PAPOLA: variants seen among roughly 807,000 people sequenced by gnomAD.
PAPOLA encodes the protein polynucleotide adenylyltransferase alpha.
Under a neutral mutation model 100.6 loss-of-function variants are expected in PAPOLA, and 15 were observed. The ratio of observed to expected loss-of-function variants is 0.15; its 90% CI spans 0.10 to 0.23. PAPOLA has a LOEUF of 0.23. Among genes scored for constraint, PAPOLA ranks in the 10% least tolerant of loss-of-function variants. The pLI is 1.00. For missense variants in PAPOLA, 533 were observed against 884.2 expected, an observed-to-expected ratio of 0.60 and a Z score of 5.04; for synonymous variants, 293 against 300.0, an observed-to-expected ratio of 0.98 and a Z score of 0.24.
intron 16 of PAPOLA, 120 bp downstream of exon 16, chr14:96,548,038 A>T: frequency 1.2e-6 from 1 of 857,846 alleles, no homozygotes; most frequent in Non-Finnish European, 1.8e-6. Context: ...ACAGCTTTTT[A>T]AAAATCTGTT....
intron 1 of PAPOLA, among the ~76,000 whole-genome samples, chr14:96,517,067 C>A (rs553290635): frequency 2.0e-5 from 3 of 151,926 alleles, no homozygotes; most frequent in African/African-American, 7.2e-5. Context: ...ACATATTACT[C>A]GCACAAAACA....
At chr14:96,535,522 A>G in intron 10 of PAPOLA, 2 of 992,116 alleles carry the variant, frequency 2.0e-6, no homozygotes, top group South Asian at 4.7e-5. Flanking sequence ...AAAACATTGT[A>G]GCATGACATG....
chr14:96,536,051 T>TTG (rs1566852370), intron 11 of PAPOLA, 52 bp downstream of exon 11: 1 of 1,368,382 alleles, frequency 7.3e-7, no homozygotes, highest in Non-Finnish European at 9.7e-7. Context: ...TTACGTACCA[T>TTG]TGTAGACCCA....
Position 96,565,272 on chromosome 14 carries a change from T to G in PAPOLA, c.*222T>G, listed in dbSNP as rs1902182648. On this transcript the variant is annotated 3_prime_UTR_variant, in exon 22 of 22. Coordinates refer to ENST00000216277, the MANE Select transcript of PAPOLA (RefSeq NM_032632.5). ...TTGTGTTAGCAACAGTTGCATTAAC[T>G]ATTTCAAAAATTACTGCCTTTAAAA... 2.4e-6 allele frequency: 1 copy of G among 416,226 alleles called. No homozygotes were observed. Among genetic ancestry groups the G allele is most frequent in the Non-Finnish European group, 4.3e-6 (1 of 230,806 alleles). 25.8% of individuals were successfully genotyped at this position (416,226 alleles called of 1,614,324 possible).
At chr14:96,535,836 G>A in intron 10 of PAPOLA, 43 bp from the exon 11 acceptor site, 1 of 1,446,292 alleles carries the variant, frequency 6.9e-7, no homozygotes, top group South Asian at 1.6e-5. Flanking sequence ...AGTATCTGTT[G>A]CATATGTACT....
chr14:96,556,335 A>G lies in PAPOLA; in HGVS notation c.1926A>G (p.Ile642Met). 1 of 1,614,110 alleles carries G rather than the reference A, an allele frequency of 6.2e-7. No homozygotes were observed. Among genetic ancestry groups the G allele is most frequent in the Non-Finnish European group, 8.5e-7 (1 of 1,179,986 alleles). ...CTTCAGGAAATGCAGCAACAAAAAT[A>G]CCTACTCCTATAGTAGGAGTCAAGA... ...AATSGNAATKIPTPIVGVKRT... is the reference protein window; with the variant it reads ...AATSGNAATKMPTPIVGVKRT... Residue 642 changes from isoleucine (I) to methionine (M), a missense_variant, in exon 19 of 22, where the codon ATA becomes ATG. Transcript: ENST00000216277.
chr14:96,548,667 T>C (rs1900587749), intron 16 of PAPOLA, among the ~76,000 whole-genome samples: 1 of 152,202 alleles, frequency 6.6e-6, no homozygotes, highest in East Asian at 1.9e-4. Flanking sequence ...TATGTATCAC[T>C]TGATACTTCC....
chr14:96,505,574 A>G (rs1896651964), intron 1 of PAPOLA, among the ~76,000 whole-genome samples: 1 of 152,124 alleles, frequency 6.6e-6, no homozygotes, highest in Non-Finnish European at 1.5e-5. Flanking sequence ...CAATAGCAAA[A>G]ATGTTTTCGG....
intron 18 of PAPOLA, 45 bp downstream of exon 18, chr14:96,555,992 T>C: frequency 7.3e-7 from 1 of 1,360,990 alleles, no homozygotes; most frequent in South Asian, 1.2e-5. Context: ...TTACATTATA[T>C]TTGGTTTAGC....
rs555283588 is a variant in PAPOLA, at chr14:96,533,346, C to T, written c.836+697C>T. On this transcript the variant is annotated intron_variant, in intron 9 of 21. Coordinates refer to ENST00000216277, the MANE Select transcript of PAPOLA (RefSeq NM_032632.5). ...ATTCCTGTTCTTATGAACTCCTGCT[C>T]CTCCCTCTGCAAAAGAGATGTTCTT... 6 of 982,336 alleles carry T rather than the reference C, an allele frequency of 6.1e-6. No individual in the cohort carries two copies. In the African/African-American group the frequency reaches 8.8e-5, roughly 14 times the overall value. 60.9% of individuals were successfully genotyped at this position (982,336 alleles called of 1,614,324 possible). A position where few individuals can be genotyped will look rare whatever the true frequency, so the allele number is the denominator to read the frequency against.
chr14:96,544,084 C>G (rs1219710928), intron 14 of PAPOLA, 65 bp from the exon 15 acceptor site: 2 of 853,642 alleles, frequency 2.3e-6, no homozygotes, highest in Non-Finnish European at 3.9e-6. Flanking sequence ...CTCTGATTGT[C>G]AGCCACACTG....
intron 9 of PAPOLA, chr14:96,534,132 T>A (rs1899312548): frequency 9.7e-7 from 1 of 1,028,406 alleles, no homozygotes; most frequent in Non-Finnish European, 1.2e-6. Context: ...TGGATGGAAC[T>A]AGTATAAAGG....
Position 96,531,638 on chromosome 14 carries a change from G to A in PAPOLA, c.607+52G>A, listed in dbSNP as rs1325108517. 5 of 1,556,358 alleles carry A rather than the reference G, an allele frequency of 3.2e-6. No homozygotes were observed. The South Asian group carries it at 5.9e-5, about 18-fold the overall frequency. ...GTACTTCAGTTTTTGTCAGATATTA[G>A]TTGTTTTTACACAAGTTTTGTATTG... is the stretch of plus-strand genomic sequence containing the variant. On this transcript the variant is annotated intron_variant, in intron 7 of 21. Coordinates refer to ENST00000216277, the MANE Select transcript of PAPOLA (RefSeq NM_032632.5).
intron 14 of PAPOLA, 136 bp from the exon 15 acceptor site, chr14:96,544,013 T>G: frequency 2.0e-5 from 12 of 614,928 alleles, no homozygotes; most frequent in East Asian, 1.1e-4. Context: ...TGCGTTTTCA[T>G]GGAGCTTGGG....
At chr14:96,552,079 C>T (rs1900888788) in intron 16 of PAPOLA, among the ~76,000 whole-genome samples, 1 of 152,036 alleles carries the variant, frequency 6.6e-6, no homozygotes, top group Non-Finnish European at 1.5e-5. Context: ...CACTTCTAGT[C>T]CCACTTTCCA....
intron 10 of PAPOLA, chr14:96,535,181 TA>T: frequency 3.3e-6 from 3 of 907,294 alleles, no homozygotes; most frequent in Non-Finnish European, 4.0e-6. Flanking sequence ...TAGGTTTGAA[TA>T]AGATTTCCTA....
At chr14:96,510,734 T>A (rs1897058649) in intron 1 of PAPOLA, among the ~76,000 whole-genome samples, 1 of 152,242 alleles carries the variant, frequency 6.6e-6, no homozygotes, top group Non-Finnish European at 1.5e-5. Context: ...AGTACGTTTT[T>A]AAGAATATAG....
rs1902244483 is a variant in PAPOLA, at chr14:96,566,059, C to G, written c.*1009C>G. ...AAGTAATGCCTGTGAAACATGATAT[C>G]TATCTGGGATGGCCATTTGATCTCT... On this transcript the variant is annotated 3_prime_UTR_variant, in exon 22 of 22. Coordinates refer to ENST00000216277, the MANE Select transcript of PAPOLA (RefSeq NM_032632.5). The G allele has an allele frequency of 5.1e-6, 2 of 396,030 alleles. No individual in the cohort carries two copies. The highest frequency in any genetic ancestry group is 8.9e-6 in the Non-Finnish European group (2 of 224,454). The allele number at this position is 396,030 out of a possible 1,614,324, so 24.5% of individuals were successfully genotyped here.
intron 16 of PAPOLA, among the ~76,000 whole-genome samples, chr14:96,550,136 G>A (rs992646104): frequency 1.3e-5 from 2 of 152,170 alleles, no homozygotes; most frequent in Non-Finnish European, 2.9e-5. Flanking sequence ...GTGACAGAAC[G>A]AGACCCTGTC....
Sources: gnomAD v4.1 joint callset for allele counts (sites outside exome capture counted in the v4.1 genomes callset) on GRCh38, gnomAD v4.1.1 for gene constraint, MANE v1.5 for transcripts, NCBI Gene and HGNC (gene_info 2026-07-23, HGNC 2026-07-21) for gene names.